FASTKD1: variants seen among roughly 807,000 people sequenced by gnomAD.
FASTKD1 encodes the protein FAST kinase domain-containing protein 1, mitochondrial.
Under a neutral mutation model 90.9 loss-of-function variants are expected in FASTKD1, and 94 were observed. That is an observed-to-expected ratio of 1.03 (90% CI 0.88 to 1.23). The LOEUF (loss-of-function observed/expected upper bound fraction) is 1.23, where lower values mean the gene tolerates loss of function less well. Among genes scored for constraint, FASTKD1 ranks in the 50% most tolerant of loss-of-function variants. The pLI, the probability that FASTKD1 is intolerant of heterozygous loss-of-function variation, is 0.00. For missense variants in FASTKD1, 945 were observed against 993.5 expected (o/e 0.95, Z 0.66); for synonymous variants, 319 against 345.8 (o/e 0.92, Z 0.86).
rs751624904 is a variant in FASTKD1, at chr2:169,537,337, A to G, written c.2078T>C (p.Ile693Thr). 4 of 1,566,280 alleles carry G rather than the reference A, an allele frequency of 2.6e-6. No individual in the cohort carries two copies. The highest frequency in any genetic ancestry group is 3.5e-6 in the Non-Finnish European group (4 of 1,144,378). ...CTGTTGTGTTCCATCCATGCCACCA[A>G]TACCTTTATAAAAAAATAAATAATT... The part of the protein sequence containing the change: ...DRFCQQYNKG[I>T]GGMDGTQQQI... Residue 693 changes from isoleucine to threonine, a missense_variant, in exon 12 of 15, where the codon ATT becomes ACT. By Grantham distance (89) the Ile-to-Thr change is moderately conservative. Transcript: ENST00000453153.
At chr2:169,564,675 AT>A (rs199650017) in intron 3 of FASTKD1, among the ~76,000 whole-genome samples, 1 of 151,080 alleles carries the variant, frequency 6.6e-6, no homozygotes, top group Non-Finnish European at 1.5e-5. Flanking sequence ...TATTCATTTT[AT>A]TTTTTTTTAC....
Position 169,572,042 on chromosome 2 carries a change from T to G in FASTKD1, c.-13A>C. On this transcript the variant is annotated 5_prime_UTR_variant, in exon 2 of 15. Transcript: ENST00000453153. ...GTGTTTTTTTCATTTATATCACAAG[T>G]TTTCTTAGGTAAACAAAACCATCTG... is the stretch of plus-strand genomic sequence containing the variant. 6.4e-7 allele frequency: 1 copy of G among 1,551,644 alleles called. No homozygotes were observed. The highest frequency in any genetic ancestry group is 8.7e-7 in the Non-Finnish European group (1 of 1,150,160).
chr2:169,568,649 A>C, intron 3 of FASTKD1, among the ~76,000 whole-genome samples: 1 of 145,806 alleles, frequency 6.9e-6, no homozygotes, highest in African/African-American at 2.7e-5. Flanking sequence ...AAAAAAAAAA[A>C]AAAAAAAGAG....
intron 9 of FASTKD1, among the ~76,000 whole-genome samples, chr2:169,540,660 A>T (rs1382205953): frequency 6.6e-6 from 1 of 152,182 alleles, no homozygotes; most frequent in Admixed American, 6.5e-5. Flanking sequence ...CTTATATCTT[A>T]TATCAGTAGA....
intron 2 of FASTKD1, among the ~76,000 whole-genome samples, chr2:169,569,838 G>T (rs2105443015): frequency 6.6e-6 from 1 of 152,160 alleles, no homozygotes; most frequent in Non-Finnish European, 1.5e-5. Context: ...GTGACAGAGT[G>T]AGACTCCACC....
At chr2:169,533,486 T>C (rs1684578839) in intron 12 of FASTKD1, among the ~76,000 whole-genome samples, 1 of 152,240 alleles carries the variant, frequency 6.6e-6, no homozygotes, top group Non-Finnish European at 1.5e-5. Flanking sequence ...TCAATAATGT[T>C]TGTGGACTTT....
intron 4 of FASTKD1, among the ~76,000 whole-genome samples, chr2:169,561,304 G>A (rs974687160): frequency 7.3e-5 from 11 of 151,410 alleles, no homozygotes; most frequent in Non-Finnish European, 1.2e-4. Flanking sequence ...AAAAGGCAGG[G>A]AAGTAGGGTG....
chr2:169,535,479 A>C, intron 12 of FASTKD1, among the ~76,000 whole-genome samples: 1 of 147,236 alleles, frequency 6.8e-6, no homozygotes. Flanking sequence ...TTGTTTATTT[A>C]TTTATTTAGA....
intron 7 of FASTKD1, 45 bp from the exon 8 acceptor site, chr2:169,546,749 A>T: frequency 6.6e-7 from 1 of 1,525,198 alleles, no homozygotes; most frequent in Non-Finnish European, 8.9e-7. Context: ...ACAAACCCAA[A>T]ATATATATGT....
intron 12 of FASTKD1, among the ~76,000 whole-genome samples, chr2:169,536,329 C>G (rs1426380959): frequency 2.0e-5 from 3 of 152,096 alleles, no homozygotes; most frequent in Admixed American, 2.0e-4. Context: ...CATGATTAGA[C>G]AAGATCCTTC....
chr2:169,555,738 G>T (rs1335379271), intron 6 of FASTKD1, among the ~76,000 whole-genome samples: 1 of 152,126 alleles, frequency 6.6e-6, no homozygotes, highest in Non-Finnish European at 1.5e-5. Flanking sequence ...CATATAATAG[G>T]TCATGAAAAA....
At chr2:169,554,043 T>C (rs1024920477) in intron 7 of FASTKD1, among the ~76,000 whole-genome samples, 3 of 151,148 alleles carry the variant, frequency 2.0e-5, no homozygotes, top group Non-Finnish European at 4.4e-5. Flanking sequence ...AGTTTGAAGA[T>C]GTGGTAAGCT....
chr2:169,529,624 T>C lies in FASTKD1; in HGVS notation c.*201A>G, dbSNP rs1327231221. ...GCCAAGAGGTTGTATTTGACTCTGT[T>C]ATCTCTTATCTTTTCTCTTATACAC... is the stretch of plus-strand genomic sequence containing the variant. On this transcript the variant is annotated 3_prime_UTR_variant, in exon 15 of 15. Transcript: ENST00000453153. 4.2e-6 allele frequency: 2 copies of C among 477,722 alleles called. No homozygotes were observed. Among genetic ancestry groups the C allele is most frequent in the East Asian group, 3.5e-5 (1 of 28,714 alleles). 29.6% of individuals were successfully genotyped at this position (477,722 alleles called of 1,614,324 possible).
chr2:169,544,859 TA>T (rs750676911), intron 8 of FASTKD1, 24 bp from the exon 9 acceptor site: 2 of 1,386,110 alleles, frequency 1.4e-6, no homozygotes, highest in Admixed American at 4.2e-5. Context: ...ACAAAAAATT[TA>T]TAGTTTAAAC....
At chr2:169,538,675 CAAAAAA>C (rs35866271) in intron 10 of FASTKD1, among the ~76,000 whole-genome samples, 1 of 90,948 alleles carries the variant, frequency 1.1e-5, no homozygotes, top group Non-Finnish European at 2.1e-5. Context: ...AACTCCGTCT[CAAAAAA>C]AAAAAAAAAA....
chr2:169,554,212 T>C (rs1386387470), intron 7 of FASTKD1, among the ~76,000 whole-genome samples: 1 of 136,762 alleles, frequency 7.3e-6, no homozygotes, highest in Non-Finnish European at 1.5e-5. Context: ...AAGTTATGAT[T>C]GGCTGCCGTG....
Position 169,572,082 on chromosome 2 carries a change from G to A in FASTKD1, c.-53C>T. 1 of 1,522,352 alleles carries A rather than the reference G, an allele frequency of 6.6e-7. No individual in the cohort carries two copies. Among genetic ancestry groups the A allele is most frequent in the Non-Finnish European group, 8.8e-7 (1 of 1,139,598 alleles). The allele number at this position is 1,522,352 out of a possible 1,614,324, so 94.3% of individuals were successfully genotyped here. On this transcript the variant is annotated 5_prime_UTR_variant, in exon 2 of 15. Coordinates refer to ENST00000453153, the MANE Select transcript of FASTKD1 (RefSeq NM_024622.6). Reference sequence around the variant, plus strand: ...AAAACCATCTGCAACTAGTCGTCAGGTGCAATAAGCAGGGATACAAATAAC... The same window carrying A: ...AAAACCATCTGCAACTAGTCGTCAGATGCAATAAGCAGGGATACAAATAAC...
intron 7 of FASTKD1, among the ~76,000 whole-genome samples, chr2:169,549,327 T>C (rs1488513458): frequency 2.0e-5 from 3 of 147,050 alleles, no homozygotes; most frequent in African/African-American, 7.6e-5. Flanking sequence ...CGGTTGAACC[T>C]GGGAGGCGGA....
Position 169,551,969 on chromosome 2 carries a change from A to G in FASTKD1, c.1214+3155T>C, listed in dbSNP as rs535074562. Among the ~76,000 whole-genome samples, 10 of 152,334 alleles carry G rather than the reference A, an allele frequency of 6.6e-5. No individual in the cohort carries two copies. The South Asian group carries it at 2.1e-3, about 32-fold the overall frequency. On this transcript the variant is annotated intron_variant, in intron 7 of 14. Coordinates refer to ENST00000453153, the MANE Select transcript of FASTKD1 (RefSeq NM_024622.6). ...AATAAGTTAAAAAACAACAACAGACATTATTCCAGTACATGAAAACTCTGG... is the reference window on the plus strand; with the variant it reads ...AATAAGTTAAAAAACAACAACAGACGTTATTCCAGTACATGAAAACTCTGG...
Sources: allele counts gnomAD v4.1 joint callset (sites outside exome capture counted in the v4.1 genomes callset), GRCh38; gene constraint gnomAD v4.1.1; transcripts MANE v1.5; gene names NCBI Gene and HGNC (gene_info 2026-07-23, HGNC 2026-07-21).